The following TAFA2 variants were observed in gnomAD, a reference collection of about 807,000 sequenced individuals.
The protein encoded by TAFA2 is chemokine-like protein TAFA-2.
Under a neutral mutation model 18.8 loss-of-function variants are expected in TAFA2, and 7 were observed. The observed-to-expected ratio is 0.37, with a 90% CI of 0.21 to 0.70. The LOEUF is 0.70. TAFA2 is among the 30% of genes least tolerant of loss of function. TAFA2 has a pLI of 0.53. For synonymous variants in TAFA2, 60 were observed against 54.2 expected (o/e 1.11, Z -0.47); for missense variants, 122 against 158.1 (o/e 0.77, Z 1.23).
intron 1 of TAFA2, among the ~76,000 whole-genome samples, chr12:62,043,121 A>G (rs1029857444): frequency 2.0e-5 from 3 of 152,190 alleles, no homozygotes; most frequent in Non-Finnish European, 4.4e-5. Context: ...ATTTTAATGT[A>G]TGTATTAAAT....
At chr12:62,104,803 T>G in intron 1 of TAFA2, 1 of 419,394 alleles carries the variant, frequency 2.4e-6, no homozygotes, top group Non-Finnish European at 4.7e-6. Context: ...GAGAGCAAAC[T>G]TCTCATCTCT....
chr12:62,252,949 G>C (rs961487730), intron 1 of TAFA2: 1 of 152,166 alleles, frequency 6.6e-6, no homozygotes, highest in African/African-American at 2.4e-5. Context: ...TAATCAAGAT[G>C]AATCATTCAT....
intron 1 of TAFA2, chr12:62,022,101 C>A: frequency 2.0e-6 from 1 of 509,112 alleles, no homozygotes; most frequent in South Asian, 1.7e-5. Flanking sequence ...AGTTCCCCAA[C>A]CCACTGGCCC....
intron 1 of TAFA2, among the ~76,000 whole-genome samples, chr12:62,046,341 A>G (rs1238751002): frequency 1.3e-5 from 2 of 152,096 alleles, no homozygotes; most frequent in Non-Finnish European, 2.9e-5. Context: ...GGAAAAAAAG[A>G]TACCATAAAA....
At chr12:62,243,542 A>G (rs1294843266) in intron 1 of TAFA2, among the ~76,000 whole-genome samples, 1 of 152,208 alleles carries the variant, frequency 6.6e-6, no homozygotes, top group African/African-American at 2.4e-5. Flanking sequence ...GTGTGCTAAA[A>G]TGCCAGGCAC....
chr12:62,102,628 A>G (rs140490808), intron 1 of TAFA2, among the ~76,000 whole-genome samples: 206 of 152,318 alleles, frequency 1.4e-3, no homozygotes, highest in African/African-American at 4.9e-3. Context: ...CAGCAGTGTC[A>G]GAAGTGTTCT....
At chr12:62,240,356 T>A (rs989026267) in intron 1 of TAFA2, among the ~76,000 whole-genome samples, 1 of 151,676 alleles carries the variant, frequency 6.6e-6, no homozygotes, top group African/African-American at 2.4e-5. Flanking sequence ...GAGGCAGAGA[T>A]TGCAGTGAGC....
At chr12:61,899,570 A>C (rs1218832648) in intron 1 of TAFA2, among the ~76,000 whole-genome samples, 3 of 152,180 alleles carry the variant, frequency 2.0e-5, no homozygotes, top group African/African-American at 7.2e-5. Context: ...GAATTCACTC[A>C]CTATCACGAG....
chr12:61,889,719 A>G (rs901998956), intron 1 of TAFA2, among the ~76,000 whole-genome samples: 7 of 152,326 alleles, frequency 4.6e-5, no homozygotes, highest in South Asian at 2.1e-4. Context: ...AATTGCGCCA[A>G]CCGCTATGTT....
intron 2 of TAFA2, among the ~76,000 whole-genome samples, chr12:61,848,228 T>A (rs1482855317): frequency 6.6e-6 from 1 of 152,218 alleles, no homozygotes; most frequent in Non-Finnish European, 1.5e-5. Flanking sequence ...ATGTATGATA[T>A]CACATTTCAA....
intron 1 of TAFA2, among the ~76,000 whole-genome samples, chr12:62,023,079 A>G (rs184539609): frequency 2.0e-5 from 3 of 152,378 alleles, no homozygotes; most frequent in Admixed American, 2.0e-4. Context: ...GACAAAGAGA[A>G]TCAATGAGCA....
At chr12:61,955,633 A>AATATATT (rs1878657032) in intron 1 of TAFA2, among the ~76,000 whole-genome samples, 17 of 8,772 alleles carry the variant, frequency 1.9e-3, no homozygotes, top group Non-Finnish European at 3.3e-3. Flanking sequence ...AAAAAAAAAA[A>AATATATT]TATATATATA....
intron 1 of TAFA2, among the ~76,000 whole-genome samples, chr12:61,954,870 T>A (rs1039580514): frequency 6.6e-6 from 1 of 152,066 alleles, no homozygotes. Context: ...CTTTTTCTCA[T>A]AGGAAGTCCT....
At chr12:62,259,592 A>C (rs577229247), upstream of TAFA2, 1 of 152,316 alleles carries the variant, frequency 6.6e-6, no homozygotes, top group African/African-American at 2.4e-5. Flanking sequence ...TTTCAGGTGT[A>C]CGGCACCATA....
intron 1 of TAFA2, among the ~76,000 whole-genome samples, chr12:62,003,601 C>G (rs1034829530): frequency 3.5e-4 from 53 of 152,294 alleles, no homozygotes; most frequent in African/African-American, 1.3e-3. Context: ...ATATCCTGCT[C>G]TATTTTTCTT....
upstream of TAFA2, among the ~76,000 whole-genome samples, chr12:62,196,798 T>C (rs2062650805): frequency 6.6e-6 from 1 of 152,130 alleles, no homozygotes; most frequent in African/African-American, 2.4e-5. Flanking sequence ...GAGCACATGC[T>C]GCTGAAAAAA....
At position 62,080,327 on chromosome 12, in the gene TAFA2, T is replaced by C. The variant is rs565379754; in HGVS notation, c.-2+110932A>G. Among the ~76,000 whole-genome samples, 48 of 152,322 alleles carry C rather than the reference T, an allele frequency of 3.2e-4. 1 individual carries two copies. The South Asian group carries it at 8.9e-3, about 28-fold the overall frequency. On this transcript the variant is annotated intron_variant, in intron 1 of 4. Coordinates refer to ENST00000416284, the MANE Select transcript of TAFA2 (RefSeq NM_178539.5). ...AGGCTTATCAAGGATGTTTTTCTTGTCTTAAAGTCCCTTTTATTCACAGTT... is the reference window on the plus strand; with the variant it reads ...AGGCTTATCAAGGATGTTTTTCTTGCCTTAAAGTCCCTTTTATTCACAGTT...
intron 1 of TAFA2, among the ~76,000 whole-genome samples, chr12:62,060,754 C>T (rs1317944340): frequency 1.3e-5 from 2 of 152,098 alleles, no homozygotes; most frequent in Non-Finnish European, 2.9e-5. Flanking sequence ...ATGATCCTGA[C>T]CCCGTCTAGG....
chr12:61,976,819 C>T (rs1296376417), intron 1 of TAFA2, among the ~76,000 whole-genome samples: 1 of 152,038 alleles, frequency 6.6e-6, no homozygotes, highest in Non-Finnish European at 1.5e-5. Flanking sequence ...TGATGGTTTC[C>T]AGCTTCATCC....
Sources: gnomAD v4.1 joint callset for allele counts (sites outside exome capture counted in the v4.1 genomes callset) on GRCh38, gnomAD v4.1.1 for gene constraint, MANE v1.5 for transcripts, NCBI Gene and HGNC (gene_info 2026-07-23, HGNC 2026-07-21) for gene names.